TPRA1: variants seen among roughly 807,000 people sequenced by gnomAD.
TPRA1 encodes transmembrane protein adipocyte associated 1.
A neutral mutation model predicts 40.1 loss-of-function variants in TPRA1; 28 were observed. That is an observed-to-expected ratio of 0.70 (90% confidence interval 0.52 to 0.96). TPRA1 has a LOEUF of 0.96. TPRA1 is among the 40% of genes least tolerant of loss of function. TPRA1 has a pLI of 0.00. For missense variants in TPRA1, 441 were observed against 482.6 expected (o/e 0.91, Z 0.81); for synonymous variants, 219 against 209.7 (o/e 1.04, Z -0.38).
chr3:127,585,529 G>A (rs1290717093), intron 1 of TPRA1, among the ~76,000 whole-genome samples: 3 of 152,216 alleles, frequency 2.0e-5, no homozygotes, highest in Admixed American at 1.3e-4. Context: ...CCATGCATGA[G>A]AGGACAGAGG....
chr3:127,582,354 T>C (rs2073858657), intron 1 of TPRA1, among the ~76,000 whole-genome samples: 1 of 151,982 alleles, frequency 6.6e-6, no homozygotes, highest in Admixed American at 6.6e-5. Flanking sequence ...CTGCTTGAGC[T>C]CAGGAGTTCC....
upstream of TPRA1, among the ~76,000 whole-genome samples, chr3:127,591,448 C>T (rs1297478425): frequency 2.2e-4 from 33 of 152,230 alleles, no homozygotes; most frequent in Admixed American, 2.2e-3. Context: ...CAGTTCTTCA[C>T]GCCTGTTCCT....
chr3:127,578,350 G>C (rs2073716166), intron 3 of TPRA1, among the ~76,000 whole-genome samples: 1 of 152,166 alleles, frequency 6.6e-6, no homozygotes, highest in African/African-American at 2.4e-5. Flanking sequence ...AGGGCACTGG[G>C]GCACAGAGAG....
intron 1 of TPRA1, among the ~76,000 whole-genome samples, chr3:127,583,864 T>A (rs932053426): frequency 2.0e-5 from 3 of 151,798 alleles, no homozygotes; most frequent in Non-Finnish European, 2.9e-5. Context: ...AGAGACGGGG[T>A]TTCATCACGT....
chr3:127,575,088 C>CAT (rs2073543893), intron 10 of TPRA1, 97 bp downstream of exon 10: 1 of 1,334,868 alleles, frequency 7.5e-7, no homozygotes, highest in Non-Finnish European at 1.1e-6. Flanking sequence ...GCACTGTATG[C>CAT]ATACACAGCC....
chr3:127,592,367 G>GT (rs746017013), upstream of TPRA1, among the ~76,000 whole-genome samples: 7,144 of 88,480 alleles, frequency 0.081, 1,836 homozygotes, highest in Non-Finnish European at 0.12. Flanking sequence ...GCAACATGCT[G>GT]TTTTTTTTTT....
At chr3:127,582,094 G>T (rs2073851274) in intron 1 of TPRA1, among the ~76,000 whole-genome samples, 1 of 152,120 alleles carries the variant, frequency 6.6e-6, no homozygotes, top group African/African-American at 2.4e-5. Context: ...CTGAACAATA[G>T]CAGCCCAAGA....
At chr3:127,577,738 A>C (rs898766058) in intron 3 of TPRA1, among the ~76,000 whole-genome samples, 6 of 151,892 alleles carry the variant, frequency 4.0e-5, no homozygotes, top group African/African-American at 1.5e-4. Flanking sequence ...TCTCACCCCC[A>C]CTTCGGTGGT....
chr3:127,575,761 T>A lies in TPRA1; in HGVS notation c.658A>T (p.Ile220Phe). 6.2e-7 allele frequency: 1 copy of A among 1,613,608 alleles called. No homozygotes were observed. The highest frequency in any genetic ancestry group is 8.5e-7 in the Non-Finnish European group (1 of 1,179,942). ...GCCAGCTGCTCACAAGGCAGGGAGA[T>A]GCGCTCCTTCAGCGGGGTCTTGGGA... ...ILPKTPLKERISLPSRRSFYV... is the reference protein window; with the variant it reads ...ILPKTPLKERFSLPSRRSFYV... The change falls in exon 8 of 11, where the codon ATC becomes TTC. Residue 220 changes from isoleucine to phenylalanine, a missense_variant. Physicochemically the swap from Ile to Phe is conservative, Grantham distance 21. Transcript: ENST00000355552.
intron 1 of TPRA1, among the ~76,000 whole-genome samples, chr3:127,584,762 G>A (rs2073950434): frequency 6.6e-6 from 1 of 152,186 alleles, no homozygotes; most frequent in South Asian, 2.1e-4. Flanking sequence ...ATCCCATGGT[G>A]TGAAGACATA....
rs1391581280 is a variant in TPRA1 at position 127,573,303 on chromosome 3, G to C, written c.*218C>G. On this transcript the variant is annotated 3_prime_UTR_variant, in exon 11 of 11. Transcript: ENST00000355552. ...TGGGCCATGTCACTGAGCAGTATGA[G>C]AGCAGGTGGGAAGGGGAGGAGGGTC... 5 of 576,268 alleles carry C rather than the reference G, an allele frequency of 8.7e-6. No individual in the cohort carries two copies. The highest frequency in any genetic ancestry group is 1.5e-5 in the Non-Finnish European group (5 of 334,794). 35.7% of individuals were successfully genotyped at this position (576,268 alleles called of 1,614,324 possible). A position where few individuals can be genotyped will look rare whatever the true frequency, so the allele number is the denominator to read the frequency against.
intron 1 of TPRA1, 133 bp from the exon 2 acceptor site, chr3:127,580,296 T>C: frequency 2.0e-6 from 2 of 1,007,886 alleles, no homozygotes; most frequent in Non-Finnish European, 2.8e-6. Flanking sequence ...CCCCACCCAC[T>C]GCAGCTCAGT....
intron 1 of TPRA1, among the ~76,000 whole-genome samples, chr3:127,585,189 C>T (rs75682805): frequency 0.013 from 1,996 of 152,138 alleles, 37 homozygotes; most frequent in African/African-American, 0.042. Flanking sequence ...CATTTTGAGC[C>T]GAGATCTCAA....
Position 127,576,974 on chromosome 3 carries a change from G to A in TPRA1, c.345+16C>T. ...GGCCAGGCCTCCCTGGCCTCCCTCA[G>A]AGGGCCCAGCCGCACCTTATCAGCA... On this transcript the variant is annotated intron_variant, in intron 4 of 10. Coordinates refer to ENST00000355552, the MANE Select transcript of TPRA1 (RefSeq NM_001136053.4). This position sits in a 1 kb window ranked among gnomAD's most constrained non-coding sequence, Gnocchi z 4.6. The A allele has an allele frequency of 1.2e-6, 2 of 1,613,662 alleles. No homozygotes were observed. Among genetic ancestry groups the A allele is most frequent in the Non-Finnish European group, 1.7e-6 (2 of 1,179,978 alleles).
At chr3:127,597,069 T>G (rs1325445338) in intron 1 of TPRA1, among the ~76,000 whole-genome samples, 1 of 151,944 alleles carries the variant, frequency 6.6e-6, no homozygotes, top group Non-Finnish European at 1.5e-5. Flanking sequence ...TGAGCTGAGG[T>G]TGCACCACTG....
In TPRA1 at chr3:127,576,990, C is replaced by T; in HGVS notation, c.345G>A (p.Lys115=). ...CCTCCCTCAGAGGGCCCAGCCGCAC[C>T]TTATCAGCAACAGTTGCAGCGTTCG... The part of the protein sequence containing the change: ...STSNAATVAD[K]ILWEITRFFL... Residue 115 remains lysine (K), a splice_region_variant and synonymous_variant, in exon 4 of 11, where the codon AAG becomes AAA. Transcript: ENST00000355552. This position sits in a 1 kb window ranked among gnomAD's most constrained non-coding sequence, Gnocchi z 4.6. 2 of 1,613,852 alleles carry T rather than the reference C, an allele frequency of 1.2e-6. No individual in the cohort carries two copies. The highest frequency in any genetic ancestry group is 1.7e-6 in the Non-Finnish European group (2 of 1,180,008).
rs768929534 is a variant in TPRA1 at position 127,576,869 on chromosome 3, A to G, written c.370T>C (p.Phe124Leu). 1.9e-6 allele frequency: 3 copies of G among 1,613,872 alleles called. No individual in the cohort carries two copies. The highest frequency in any genetic ancestry group is 3.3e-5 in the Admixed American group (2 of 60,032). ...DKILWEITRFFLLAIELSVII... is the reference protein window; with the variant it reads ...DKILWEITRFLLLAIELSVII... ...ACACTCAGCTCGATGGCCAGCAGGA[A>G]GAAGCGGGTGATCTCCCACAGGATC... Residue 124 changes from phenylalanine to leucine, a missense_variant, in exon 5 of 11, where the codon TTC becomes CTC. Physicochemically the swap from Phe to Leu is conservative, Grantham distance 22. Transcript: ENST00000355552. The surrounding 1 kb of genome is among the most constrained non-coding windows in gnomAD (Gnocchi z 4.6).
Position 127,576,557 on chromosome 3 carries a change from A to C in TPRA1, c.498+60T>G. ...GACTGGAAACCTGACCCAGACCCAG[A>C]AGCAGTGGGTGCCTGGTGCCCTGAC... On this transcript the variant is annotated intron_variant, in intron 6 of 10. Coordinates refer to ENST00000355552, the MANE Select transcript of TPRA1 (RefSeq NM_001136053.4). This position sits in a 1 kb window ranked among gnomAD's most constrained non-coding sequence, Gnocchi z 4.6. 1 of 1,487,160 alleles carries C rather than the reference A, an allele frequency of 6.7e-7. No homozygotes were observed. The allele number at this position is 1,487,160 out of a possible 1,614,324, so 92.1% of individuals were successfully genotyped here.
At chr3:127,584,471 A>AT in intron 1 of TPRA1, among the ~76,000 whole-genome samples, 1 of 147,612 alleles carries the variant, frequency 6.8e-6, no homozygotes, top group East Asian at 1.9e-4. Context: ...AAAAAAAAAA[A>AT]AAAAAAAAAG....
Sources: gnomAD v4.1 joint callset for allele counts (sites outside exome capture counted in the v4.1 genomes callset) on GRCh38, gnomAD v4.1.1 for gene constraint, Gnocchi (gnomAD v3.1) non-coding constraint, MANE v1.5 for transcripts, NCBI Gene and HGNC (gene_info 2026-07-23, HGNC 2026-07-21) for gene names.